Variants in ADGRB3 observed in about 807,000 individuals in gnomAD.
ADGRB3 encodes the protein adhesion G protein-coupled receptor B3.
ADGRB3 carries 37 observed loss-of-function variants against 193.4 expected under a neutral mutation model. The ratio of observed to expected loss-of-function variants is 0.19; its 90% confidence interval spans 0.15 to 0.25. The LOEUF (loss-of-function observed/expected upper bound fraction) is 0.25. Among genes scored for constraint, ADGRB3 ranks in the 10% least tolerant of loss-of-function variants. ADGRB3 has a pLI of 1.00. For synonymous variants in ADGRB3, 690 were observed against 644.2 expected (o/e 1.07, Z -1.08); for missense variants, 1,637 against 1,852.9 (o/e 0.88, Z 2.14).
intron 3 of ADGRB3, among the ~76,000 whole-genome samples, chr6:68,728,991 T>C (rs1280637628): frequency 6.6e-6 from 1 of 151,650 alleles, no homozygotes; most frequent in Non-Finnish European, 1.5e-5. Flanking sequence ...CTTTTTCCAC[T>C]TGTTAAAATC....
chr6:68,810,778 G>A (rs891905625), intron 3 of ADGRB3, among the ~76,000 whole-genome samples: 1 of 152,006 alleles, frequency 6.6e-6, no homozygotes, highest in African/African-American at 2.4e-5. Flanking sequence ...AGCATGTTTG[G>A]GGTAGAAAGA....
intron 3 of ADGRB3, among the ~76,000 whole-genome samples, chr6:68,774,615 GCTTTTTTCTTT>G (rs1387078593): frequency 1.3e-5 from 2 of 151,568 alleles, no homozygotes; most frequent in East Asian, 1.9e-4. Context: ...TATATTTATT[GCTTTTTTCTTT>G]CTTTTTTCTT....
At chr6:68,638,575 C>A in intron 2 of ADGRB3, 86 bp from the exon 3 acceptor site, 1 of 1,322,850 alleles carries the variant, frequency 7.6e-7, no homozygotes, top group Non-Finnish European at 1.0e-6. Context: ...ATCTTGAAAA[C>A]AGCTGGCTGT....
chr6:68,793,380 GC>G (rs1175844107), intron 3 of ADGRB3, among the ~76,000 whole-genome samples: 1 of 152,038 alleles, frequency 6.6e-6, no homozygotes, highest in Non-Finnish European at 1.5e-5. Context: ...TCCTGTGTGT[GC>G]ATGTGTGTAT....
chr6:68,788,365 C>T (rs573820343), intron 3 of ADGRB3, among the ~76,000 whole-genome samples: 67 of 152,090 alleles, frequency 4.4e-4, no homozygotes, highest in African/African-American at 1.5e-3. Flanking sequence ...TCTTTGTTCT[C>T]GTTGGTTTCA....
At chr6:68,851,766 A>G (rs762491243) in intron 3 of ADGRB3, among the ~76,000 whole-genome samples, 2 of 151,900 alleles carry the variant, frequency 1.3e-5, no homozygotes, top group Non-Finnish European at 1.5e-5. Context: ...ATCATATTGT[A>G]TCGGGATATT....
chr6:68,690,926 T>C (rs926000242), intron 3 of ADGRB3, among the ~76,000 whole-genome samples: 1 of 152,126 alleles, frequency 6.6e-6, no homozygotes, highest in Non-Finnish European at 1.5e-5. Context: ...ACTATACAAA[T>C]AACTTTTAAG....
chr6:69,139,946 TCTTA>T (rs1245717417), intron 17 of ADGRB3, among the ~76,000 whole-genome samples: 2 of 152,224 alleles, frequency 1.3e-5, no homozygotes, highest in African/African-American at 4.8e-5. Flanking sequence ...AATTAAATGC[TCTTA>T]CTTCAAGATA....
In ADGRB3 at chr6:68,644,665, G is replaced by A. The variant is rs185610329; in HGVS notation, c.757+5233G>A. On this transcript the variant is annotated intron_variant, in intron 3 of 31. Coordinates refer to ENST00000370598, the MANE Select transcript of ADGRB3 (RefSeq NM_001704.3). ...GGAATATTATTAAAATTATAGGCCC[G>A]GTCAAGTATAACAAAATGCCACAAT... Among the ~76,000 whole-genome samples, 172 of 152,128 alleles carry A rather than the reference G, an allele frequency of 1.1e-3. 1 individual carries two copies. Among genetic ancestry groups the A allele is most frequent in the Non-Finnish European group, 7.9e-4 (54 of 67,980 alleles).
intron 20 of ADGRB3, among the ~76,000 whole-genome samples, chr6:69,271,949 T>C (rs1211826095): frequency 2.0e-5 from 3 of 152,226 alleles, no homozygotes; most frequent in African/African-American, 7.2e-5. Flanking sequence ...GTACCATTTC[T>C]TATTGTTGTA....
At chr6:69,148,545 A>G (rs988122629) in intron 17 of ADGRB3, among the ~76,000 whole-genome samples, 2 of 152,124 alleles carry the variant, frequency 1.3e-5, no homozygotes, top group Non-Finnish European at 1.5e-5. Context: ...TAGTCTTTCT[A>G]CTTAAGATAA....
intron 13 of ADGRB3, among the ~76,000 whole-genome samples, 197 bp from the exon 14 acceptor site, chr6:69,047,988 T>A (rs894491498): frequency 1.3e-5 from 2 of 152,154 alleles, no homozygotes; most frequent in African/African-American, 4.8e-5. Context: ...CAACAAAAAC[T>A]AAGACTGATA....
chr6:68,655,565 C>G (rs953458553), intron 3 of ADGRB3, among the ~76,000 whole-genome samples: 1 of 151,506 alleles, frequency 6.6e-6, no homozygotes, highest in Non-Finnish European at 1.5e-5. Context: ...ATTAAAATGC[C>G]TCCTGGACTG....
chr6:69,064,207 G>A (rs912458109), intron 16 of ADGRB3, among the ~76,000 whole-genome samples: 1 of 151,520 alleles, frequency 6.6e-6, no homozygotes, highest in Non-Finnish European at 1.5e-5. Context: ...CAGGCTTCCT[G>A]GATTATTTAA....
intron 20 of ADGRB3, among the ~76,000 whole-genome samples, chr6:69,313,264 G>A (rs776460586): frequency 1.3e-5 from 2 of 151,840 alleles, no homozygotes; most frequent in Non-Finnish European, 2.9e-5. Flanking sequence ...CACCCCAGGT[G>A]ATACCAATGT....
At chr6:69,078,954 C>T (rs925315596) in intron 17 of ADGRB3, among the ~76,000 whole-genome samples, 9 of 151,974 alleles carry the variant, frequency 5.9e-5, no homozygotes, top group Non-Finnish European at 1.3e-4. Flanking sequence ...TTGCATGTTT[C>T]GTAGGTACAT....
At chr6:68,837,844 C>A (rs1215466781) in intron 3 of ADGRB3, among the ~76,000 whole-genome samples, 1 of 152,118 alleles carries the variant, frequency 6.6e-6, no homozygotes, top group East Asian at 1.9e-4. Flanking sequence ...CAAGGAGAAT[C>A]CTGCTGTCTA....
intron 3 of ADGRB3, among the ~76,000 whole-genome samples, chr6:68,873,345 C>G (rs934936086): frequency 6.6e-6 from 1 of 152,060 alleles, no homozygotes; most frequent in African/African-American, 2.4e-5. Flanking sequence ...TGGCTACTTC[C>G]TGTGAGATTG....
intron 10 of ADGRB3, among the ~76,000 whole-genome samples, chr6:68,989,456 C>T (rs1048540597): frequency 6.6e-6 from 1 of 152,098 alleles, no homozygotes; most frequent in Non-Finnish European, 1.5e-5. Context: ...TACCAGGATC[C>T]ATCTCGTGTC....
Sources: allele counts gnomAD v4.1 joint callset (sites outside exome capture counted in the v4.1 genomes callset), GRCh38; gene constraint gnomAD v4.1.1; transcripts MANE v1.5; gene names NCBI Gene and HGNC (gene_info 2026-07-23, HGNC 2026-07-21).